The following FRMD4A variants were observed in gnomAD, a reference collection of about 807,000 sequenced individuals.
FRMD4A encodes FERM domain containing 4A.
In FRMD4A, 29 loss-of-function variants were observed where a neutral mutation model predicts 129.1. That is an observed-to-expected ratio of 0.22 (90% CI 0.17 to 0.31). FRMD4A has a LOEUF of 0.31. Among genes scored for constraint, FRMD4A ranks in the 10% least tolerant of loss-of-function variants. FRMD4A has a pLI of 1.00. For synonymous variants in FRMD4A, 634 were observed against 571.6 expected (o/e 1.11, Z -1.56); for missense variants, 1,272 against 1,375.8 (o/e 0.92, Z 1.19).
At chr10:13,720,165 C>T (rs1484597603) in intron 12 of FRMD4A, among the ~76,000 whole-genome samples, 2 of 152,218 alleles carry the variant, frequency 1.3e-5, no homozygotes, top group Admixed American at 6.5e-5. Context: ...TCTCCTGCCT[C>T]AGCCTCCTGA....
intron 2 of FRMD4A, among the ~76,000 whole-genome samples, chr10:14,028,626 T>G (rs933108777): frequency 2.0e-5 from 3 of 152,230 alleles, no homozygotes; most frequent in Admixed American, 2.0e-4. Flanking sequence ...AAACTTGCTT[T>G]TCAAAGGATA....
In FRMD4A at chr10:14,095,022, G is replaced by A. The variant is rs143069544; in HGVS notation, c.45+235036C>T. Among the ~76,000 whole-genome samples, 241 of 152,252 alleles carry A rather than the reference G, an allele frequency of 1.6e-3. 1 individual carries two copies. Among genetic ancestry groups the A allele is most frequent in the African/African-American group, 5.2e-3 (215 of 41,526 alleles). Reference sequence around the variant, plus strand: ...TATGCATGGATGTATATCTGTGTGTGTGTACACATGTGCATGTGTGTGTAT... The same window carrying A: ...TATGCATGGATGTATATCTGTGTGTATGTACACATGTGCATGTGTGTGTAT... On this transcript the variant is annotated intron_variant, in intron 2 of 24. Transcript: ENST00000357447.
At chr10:14,117,268 G>C (rs1247689649) in intron 2 of FRMD4A, among the ~76,000 whole-genome samples, 1 of 152,246 alleles carries the variant, frequency 6.6e-6, no homozygotes, top group Non-Finnish European at 1.5e-5. Context: ...ACAGAGCCTA[G>C]CATGTGACAG....
At chr10:14,008,028 C>A (rs1327622332) in intron 2 of FRMD4A, 5 of 1,297,046 alleles carry the variant, frequency 3.9e-6, no homozygotes, top group Non-Finnish European at 5.1e-6. Context: ...TTTGGAGCAA[C>A]TGAGAAGCAA....
At chr10:14,327,312 A>G (rs1451491320) in intron 2 of FRMD4A, among the ~76,000 whole-genome samples, 1 of 152,266 alleles carries the variant, frequency 6.6e-6, no homozygotes, top group African/African-American at 2.4e-5. Context: ...TTTCATAGCA[A>G]TACTGCTCAT....
At chr10:14,214,053 T>C (rs985259786) in intron 2 of FRMD4A, among the ~76,000 whole-genome samples, 4 of 152,244 alleles carry the variant, frequency 2.6e-5, no homozygotes, top group Non-Finnish European at 5.9e-5. Flanking sequence ...GCTGCCGCCA[T>C]GTAAGATGTG....
At chr10:14,171,269 G>C (rs1289333435) in intron 2 of FRMD4A, among the ~76,000 whole-genome samples, 1 of 151,862 alleles carries the variant, frequency 6.6e-6, no homozygotes, top group Admixed American at 6.6e-5. Context: ...ATTTGCTATG[G>C]TTGAAATCCT....
chr10:14,129,891 G>A (rs1028943913), intron 2 of FRMD4A, among the ~76,000 whole-genome samples: 12 of 152,142 alleles, frequency 7.9e-5, no homozygotes, highest in African/African-American at 2.9e-4. Flanking sequence ...CCATCTGTGG[G>A]CACCTGGCAC....
chr10:14,031,864 C>G (rs1020290513), intron 2 of FRMD4A, among the ~76,000 whole-genome samples: 7 of 150,432 alleles, frequency 4.7e-5, no homozygotes, highest in Admixed American at 4.6e-4. Context: ...TCACCCAACT[C>G]TGACTTAGAT....
At chr10:14,050,587 A>G (rs1425813369) in intron 2 of FRMD4A, among the ~76,000 whole-genome samples, 12 of 152,078 alleles carry the variant, frequency 7.9e-5, no homozygotes, top group Admixed American at 6.5e-5. Context: ...TGGTCACCAG[A>G]AGGACCAAGA....
intron 2 of FRMD4A, among the ~76,000 whole-genome samples, chr10:13,971,475 G>A (rs755741114): frequency 1.3e-5 from 2 of 152,128 alleles, no homozygotes; most frequent in African/African-American, 2.4e-5. Flanking sequence ...TTCACGTGGC[G>A]CACCGTATGG....
intron 3 of FRMD4A, among the ~76,000 whole-genome samples, chr10:13,825,159 A>G (rs915671516): frequency 6.6e-6 from 1 of 152,224 alleles, no homozygotes; most frequent in African/African-American, 2.4e-5. Context: ...AACCATAACC[A>G]ATAATAAAAT....
chr10:13,966,249 C>G (rs2095484651), intron 2 of FRMD4A, among the ~76,000 whole-genome samples: 1 of 152,140 alleles, frequency 6.6e-6, no homozygotes, highest in South Asian at 2.1e-4. Context: ...TCTCGAACTC[C>G]TGACCTCAGG....
At chr10:13,659,552 G>A in intron 20 of FRMD4A, 62 bp from the exon 21 acceptor site, 1 of 1,504,458 alleles carries the variant, frequency 6.6e-7, no homozygotes, top group Non-Finnish European at 9.1e-7. Flanking sequence ...CTGGGGGGCT[G>A]GCTAGTTCAG....
At chr10:14,221,016 C>T (rs1843241535) in intron 2 of FRMD4A, among the ~76,000 whole-genome samples, 1 of 151,940 alleles carries the variant, frequency 6.6e-6, no homozygotes. Flanking sequence ...GATTGAGGAG[C>T]AGGAACCCTG....
chr10:13,766,092 C>T (rs896123246), intron 6 of FRMD4A, among the ~76,000 whole-genome samples: 16 of 152,216 alleles, frequency 1.1e-4, no homozygotes, highest in African/African-American at 3.6e-4. Context: ...GATGTCTCTA[C>T]CTGCGCGGAG....
At chr10:13,750,063 AG>A (rs1564738726) in intron 8 of FRMD4A, among the ~76,000 whole-genome samples, 19 of 94,006 alleles carry the variant, frequency 2.0e-4, no homozygotes, top group African/African-American at 3.5e-4. Context: ...GAAGGAAGGA[AG>A]GAAGGAAGAA....
Position 13,656,696 on chromosome 10 carries a change from T to C in FRMD4A, c.2893A>G (p.Ser965Gly). 6.4e-7 allele frequency: 1 copy of C among 1,571,760 alleles called. No homozygotes were observed. The highest frequency in any genetic ancestry group is 8.6e-7 in the Non-Finnish European group (1 of 1,159,426). ...ACCCTGCTGTGCGCCACGAAGGTGCTCTGGGAGGAGGTGCTGTACTGCGAG... is the reference window on the plus strand; with the variant it reads ...ACCCTGCTGTGCGCCACGAAGGTGCCCTGGGAGGAGGTGCTGTACTGCGAG... ...SGSQYSTSSQSTFVAHSRVTR... is the reference protein window; with the variant it reads ...SGSQYSTSSQGTFVAHSRVTR... The change falls in exon 22 of 25, where the codon AGC becomes GGC. Residue 965 changes from serine to glycine, a missense_variant. Ser to Gly is a moderately conservative substitution (Grantham distance 56). Transcript: ENST00000357447.
intron 2 of FRMD4A, among the ~76,000 whole-genome samples, chr10:13,894,904 A>G (rs1435166848): frequency 6.6e-6 from 1 of 152,190 alleles, no homozygotes; most frequent in East Asian, 1.9e-4. Flanking sequence ...GCCACCCACT[A>G]GCTGTGCAAG....
Sources: gnomAD v4.1 joint callset for allele counts (sites outside exome capture counted in the v4.1 genomes callset) on GRCh38, gnomAD v4.1.1 for gene constraint, MANE v1.5 for transcripts, NCBI Gene and HGNC (gene_info 2026-07-23, HGNC 2026-07-21) for gene names.